Variants in RGS3 observed in about 807,000 individuals in gnomAD.
RGS3 encodes the protein regulator of G protein signaling 3, also known as regulator of G-protein signalling 3.
Under a neutral mutation model 132.6 loss-of-function variants are expected in RGS3, and 80 were observed. The observed-to-expected ratio is 0.60, with a 90% confidence interval of 0.50 to 0.73. The LOEUF is 0.73. Ranked by LOEUF, RGS3 falls within the 30% of genes least tolerant of loss-of-function variation. The pLI, the probability that RGS3 is intolerant of heterozygous loss-of-function variation, is 0.00. For missense variants in RGS3, 1,382 were observed against 1,530.8 expected (o/e 0.90, Z 1.62); for synonymous variants, 598 against 620.6 (o/e 0.96, Z 0.54).
chr9:113,540,483 C>T (rs1832856583), intron 19 of RGS3, among the ~76,000 whole-genome samples: 1 of 152,184 alleles, frequency 6.6e-6, no homozygotes, highest in Non-Finnish European at 1.5e-5. Context: ...GAAAGCCATG[C>T]TTGCGGGTCC....
At chr9:113,449,798 A>G (rs1013987847) in intron 1 of RGS3, among the ~76,000 whole-genome samples, 8 of 152,062 alleles carry the variant, frequency 5.3e-5, no homozygotes, top group African/African-American at 1.9e-4. Context: ...GCTGGAGTGC[A>G]GTGGCTCAGT....
chr9:113,542,990 C>G (rs1356599737), intron 19 of RGS3, among the ~76,000 whole-genome samples: 1 of 152,182 alleles, frequency 6.6e-6, no homozygotes, highest in African/African-American at 2.4e-5. Flanking sequence ...TTGAGCCCAG[C>G]CCACTCACTG....
chr9:113,488,059 A>G (rs759086661), intron 7 of RGS3, among the ~76,000 whole-genome samples: 9 of 152,210 alleles, frequency 5.9e-5, no homozygotes, highest in Non-Finnish European at 1.3e-4. Flanking sequence ...TTCTAGATCT[A>G]TCACTTTGGT....
intron 3 of RGS3, among the ~76,000 whole-genome samples, chr9:113,462,477 C>T (rs1829499608): frequency 6.6e-6 from 1 of 152,198 alleles, no homozygotes; most frequent in Admixed American, 6.5e-5. Flanking sequence ...TTGCTCCTTC[C>T]ACCTGCTGTT....
intron 19 of RGS3, among the ~76,000 whole-genome samples, chr9:113,566,739 C>T (rs562013568): frequency 6.6e-6 from 1 of 152,264 alleles, no homozygotes; most frequent in Non-Finnish European, 1.5e-5. Context: ...ATCCTGCTGC[C>T]CTCAGGCCTT....
intron 14 of RGS3, among the ~76,000 whole-genome samples, chr9:113,514,015 A>G (rs1402914674): frequency 1.3e-5 from 2 of 152,204 alleles, no homozygotes; most frequent in Non-Finnish European, 2.9e-5. Context: ...ACCCTGCCAC[A>G]CAGGCTGGTC....
At chr9:113,548,681 C>T (rs996710305) in intron 19 of RGS3, among the ~76,000 whole-genome samples, 1 of 152,232 alleles carries the variant, frequency 6.6e-6, no homozygotes, top group Non-Finnish European at 1.5e-5. Context: ...CTCACACCCC[C>T]TCCTCATACA....
chr9:113,508,597 T>C lies in RGS3; in HGVS notation c.1477+17T>C, dbSNP rs573576095. On this transcript the variant is annotated intron_variant, in intron 14 of 24. Coordinates refer to ENST00000350696, the Ensembl canonical transcript of RGS3. ...TCCCCGAAGGTGAGTCTCCTGCTGC[T>C]GCTGTGCCCTCCTAGCTCAGAGAGG... 1 of 1,611,112 alleles carries C rather than the reference T, an allele frequency of 6.2e-7. No individual in the cohort carries two copies. Among genetic ancestry groups the C allele is most frequent in the East Asian group, 2.2e-5 (1 of 44,866 alleles).
intron 19 of RGS3, among the ~76,000 whole-genome samples, chr9:113,542,767 C>T (rs1832955893): frequency 6.6e-6 from 1 of 152,228 alleles, no homozygotes; most frequent in African/African-American, 2.4e-5. Context: ...GAGTTCACTG[C>T]TGCCCAGGCC....
intron 19 of RGS3, among the ~76,000 whole-genome samples, chr9:113,575,712 C>G (rs185839829): frequency 6.6e-6 from 1 of 152,204 alleles, no homozygotes; most frequent in Non-Finnish European, 1.5e-5. Flanking sequence ...CCTGACGCCA[C>G]TCTCCAGAAT....
Position 113,536,932 on chromosome 9 carries a change from C to CA in RGS3, c.2037+15dup. 6.2e-7 allele frequency: 1 copy of CA among 1,612,530 alleles called. No homozygotes were observed. The highest frequency in any genetic ancestry group is 1.1e-5 in the South Asian group (1 of 91,044). ...CCGGACAGCAAGGTAAGGGCCTTGA[C>CA]AGTGGCTGTGGCCTGGCTGCCTCGT... On this transcript the variant is annotated intron_variant, in intron 19 of 24. Coordinates refer to ENST00000350696, the Ensembl canonical transcript of RGS3.
chr9:113,565,561 T>G lies in RGS3; in HGVS notation c.2038-17889T>G. 3.3e-6 allele frequency: 1 copy of G among 302,642 alleles called. No individual in the cohort carries two copies. The highest frequency in any genetic ancestry group is 6.3e-6 in the Non-Finnish European group (1 of 158,654). The allele number at this position is 302,642 out of a possible 1,614,324, so 18.7% of individuals were successfully genotyped here. A position where few individuals can be genotyped will look rare whatever the true frequency, so the allele number is the denominator to read the frequency against. On this transcript the variant is annotated intron_variant, in intron 19 of 24. Transcript: ENST00000350696. This position sits in a 1 kb window ranked among gnomAD's most constrained non-coding sequence, Gnocchi z 5.7. ...ACTTGGGTAAGTCCATAAATAGCTCTGCTGACACAAAGGAGCTCTGTCTGG... is the reference window on the plus strand; with the variant it reads ...ACTTGGGTAAGTCCATAAATAGCTCGGCTGACACAAAGGAGCTCTGTCTGG...
intron 10 of RGS3, among the ~76,000 whole-genome samples, chr9:113,501,166 G>A (rs568346347): frequency 9.2e-5 from 14 of 152,288 alleles, no homozygotes; most frequent in Admixed American, 7.8e-4. Flanking sequence ...ACTTGCAGGG[G>A]GAGGAGGTGT....
intron 19 of RGS3, 24 bp downstream of exon 17, chr9:113,536,942 G>A: frequency 6.2e-7 from 1 of 1,608,814 alleles, no homozygotes; most frequent in Non-Finnish European, 8.5e-7. Context: ...CAGTGGCTGT[G>A]GCCTGGCTGC....
intron 20 of RGS3, among the ~76,000 whole-genome samples, chr9:113,589,465 C>T (rs914890564): frequency 6.6e-6 from 1 of 152,204 alleles, no homozygotes; most frequent in East Asian, 1.9e-4. Context: ...TCAGTCCCTG[C>T]TGAAGACACT....
intron 1 of RGS3, among the ~76,000 whole-genome samples, chr9:113,451,389 C>T (rs565803349): frequency 3.9e-5 from 6 of 152,228 alleles, no homozygotes; most frequent in African/African-American, 9.6e-5. Context: ...ACAGTATGGT[C>T]TGCTATGTCC....
chr9:113,533,233 G>GT (rs796998306), intron 18 of RGS3, among the ~76,000 whole-genome samples: 18,825 of 139,452 alleles, frequency 0.13, 1,304 homozygotes, highest in Non-Finnish European at 0.16. Flanking sequence ...GGAAAATTCT[G>GT]TTTTTTTTTT....
chr9:113,524,110 G>C (rs902271400), intron 17 of RGS3, among the ~76,000 whole-genome samples: 1 of 152,160 alleles, frequency 6.6e-6, no homozygotes, highest in African/African-American at 2.4e-5. Flanking sequence ...CTCCAGTTCC[G>C]GCACTGGCAT....
rs541996634 is a variant in RGS3 at position 113,475,887 on chromosome 9, T to A, written c.416-3604T>A. Among the ~76,000 whole-genome samples, 13 of 152,234 alleles carry A rather than the reference T, an allele frequency of 8.5e-5. No individual in the cohort carries two copies. The South Asian group carries it at 2.7e-3, about 32-fold the overall frequency. ...CCCTTCACCTGGAGGTTTCTTTCTC[T>A]AGATTGGAGACATTTCTAGGAGGCT... is the stretch of plus-strand genomic sequence containing the variant. On this transcript the variant is annotated intron_variant, in intron 3 of 24. Transcript: ENST00000350696.
Sources: allele counts gnomAD v4.1 joint callset (sites outside exome capture counted in the v4.1 genomes callset), GRCh38; gene constraint gnomAD v4.1.1; non-coding constraint Gnocchi (gnomAD v3.1); transcripts MANE v1.5; gene names NCBI Gene and HGNC (gene_info 2026-07-23, HGNC 2026-07-21).